The following AARS2 variants were observed in gnomAD, a reference collection of about 807,000 sequenced individuals.
The protein encoded by AARS2 is alanine--tRNA ligase, mitochondrial.
A neutral mutation model predicts 119.7 loss-of-function variants in AARS2; 78 were observed. The observed-to-expected ratio is 0.65, with a 90% CI of 0.54 to 0.79. The LOEUF (loss-of-function observed/expected upper bound fraction) is 0.79, where lower values mean the gene tolerates loss of function less well. Among genes scored for constraint, AARS2 ranks in the 30% least tolerant of loss-of-function variants. The pLI is 0.00. For missense variants in AARS2, 1,157 were observed against 1,291.3 expected, an observed-to-expected ratio of 0.90 and a Z score of 1.59; for synonymous variants, 502 against 526.3, an observed-to-expected ratio of 0.95 and a Z score of 0.63.
rs1785812651 is a variant in AARS2, at chr6:44,305,998, G to A, written c.1301-212C>T. Among the ~76,000 whole-genome samples, 1 of 152,168 alleles carries A rather than the reference G, an allele frequency of 6.6e-6. No individual in the cohort carries two copies. The highest frequency in any genetic ancestry group is 2.4e-5 in the African/African-American group (1 of 41,446). ...GGGGGTAGTCCAGGGTACTCCCTGG[G>A]CACACATCATTTCAAGGGAGGAGGG... On this transcript the variant is annotated intron_variant, in intron 9 of 21. Transcript: ENST00000244571. The surrounding 1 kb of genome is among the most constrained non-coding windows in gnomAD (Gnocchi z 4.6).
Position 44,307,539 on chromosome 6 carries a change from T to A in AARS2, c.895-145A>T. 9.3e-7 allele frequency: 1 copy of A among 1,079,492 alleles called. No homozygotes were observed. Among genetic ancestry groups the A allele is most frequent in the Non-Finnish European group, 1.3e-6 (1 of 744,958 alleles). The allele number at this position is 1,079,492 out of a possible 1,614,324, so 66.9% of individuals were successfully genotyped here. Reference sequence around the variant, plus strand: ...CAGTCCAGTCCTGGGCTGAGAAGCCTCACAGATGAGCACAAGCCAGGCCCT... The same window carrying A: ...CAGTCCAGTCCTGGGCTGAGAAGCCACACAGATGAGCACAAGCCAGGCCCT... On this transcript the variant is annotated intron_variant, in intron 5 of 21. Transcript: ENST00000244571. This position sits in a 1 kb window ranked among gnomAD's most constrained non-coding sequence, Gnocchi z 4.4.
At chr6:44,302,270 A>G (rs1785421943) in intron 18 of AARS2, 100 bp from the exon 19 acceptor site, 2 of 1,610,104 alleles carry the variant, frequency 1.2e-6, no homozygotes, top group Non-Finnish European at 1.7e-6. Context: ...CTGCAGACAA[A>G]TATCTGGGCC....
intron 14 of AARS2, 96 bp from the exon 15 acceptor site, chr6:44,303,519 C>T (rs1400941384): frequency 6.3e-7 from 1 of 1,577,750 alleles, no homozygotes; most frequent in Admixed American, 1.7e-5. Flanking sequence ...ACTGAGCTAT[C>T]CCCAGGTTCT....
chr6:44,304,042 T>G (rs1561938738), intron 14 of AARS2, 139 bp downstream of exon 14: 1 of 1,281,916 alleles, frequency 7.8e-7, no homozygotes, highest in East Asian at 2.4e-5. Flanking sequence ...GGGAAAGGAC[T>G]TGCCCAGGGT....
rs926619419 is a variant in AARS2, at chr6:44,303,393, C to T, written c.2038G>A (p.Val680Met). Residue 680 changes from valine (V) to methionine (M), a missense_variant, in exon 15 of 22, where the codon GTG becomes ATG. Physicochemically the swap from Val to Met is conservative, Grantham distance 21. Coordinates refer to ENST00000244571, the MANE Select transcript of AARS2 (RefSeq NM_020745.4). The stretch of plus-strand genomic sequence containing the variant: ...ACGGCCTCCTGCACAGTGTTCTCCA[C>T]TGCCCGGAGCTGCTCTGGGGTCAAT... The part of the protein sequence containing the change: ...TPLTPEQLRA[V>M]ENTVQEAVGQ... 3.1e-6 allele frequency: 5 copies of T among 1,614,036 alleles called. No homozygotes were observed. Among genetic ancestry groups the T allele is most frequent in the African/African-American group, 1.3e-5 (1 of 75,052 alleles).
intron 17 of AARS2, 110 bp downstream of exon 17, chr6:44,302,692 A>G: frequency 6.9e-7 from 1 of 1,448,022 alleles, no homozygotes. Flanking sequence ...TTGGTGTCCA[A>G]GTATGAACAC....
chr6:44,309,259 A>G (rs926766096), intron 5 of AARS2, among the ~76,000 whole-genome samples: 1 of 152,092 alleles, frequency 6.6e-6, no homozygotes, highest in East Asian at 1.9e-4. Context: ...AGTCACCCCT[A>G]CTGCCCCCAA....
At chr6:44,309,352 A>G (rs1786156206) in intron 5 of AARS2, among the ~76,000 whole-genome samples, 1 of 152,142 alleles carries the variant, frequency 6.6e-6, no homozygotes, top group Non-Finnish European at 1.5e-5. Flanking sequence ...AAGACCAAAG[A>G]ATGAGCCAGC....
Position 44,311,178 on chromosome 6 carries a change from G to A in AARS2, c.582-17C>T. The A allele has an allele frequency of 3.1e-6, 5 of 1,614,086 alleles. No individual in the cohort carries two copies. The highest frequency in any genetic ancestry group is 2.7e-5 in the African/African-American group (2 of 75,056). On this transcript the variant is annotated splice_polypyrimidine_tract_variant and intron_variant, in intron 3 of 21. Coordinates refer to ENST00000244571, the MANE Select transcript of AARS2 (RefSeq NM_020745.4). Reference sequence around the variant, plus strand: ...GCAGGCACCCTGGGGAGAAAAGCAGGTGAGTGGTGGGAGACAGACAGACCC... The same window carrying A: ...GCAGGCACCCTGGGGAGAAAAGCAGATGAGTGGTGGGAGACAGACAGACCC...
At position 44,306,284 on chromosome 6, in the gene AARS2, G is replaced by A; in HGVS notation, c.1296C>T (p.Phe432=). Residue 432 remains phenylalanine, a synonymous_variant, in exon 9 of 22, where the codon TTC becomes TTT. Coordinates refer to ENST00000244571, the MANE Select transcript of AARS2 (RefSeq NM_020745.4). ...TGGGCTAGGTATCCTGCTTACCAGG[G>A]AACATATCTGAAGGCCCCAGGGTCC... ...TLRTLGPSDM[F]PAEVAWSLSL... 3 of 1,614,066 alleles carry A rather than the reference G, an allele frequency of 1.9e-6. No individual in the cohort carries two copies. The highest frequency in any genetic ancestry group is 1.7e-6 in the Non-Finnish European group (2 of 1,179,968).
At chr6:44,311,645 C>T (rs1482190921) in intron 2 of AARS2, 110 bp from the exon 3 acceptor site, 1 of 1,298,822 alleles carries the variant, frequency 7.7e-7, no homozygotes, top group South Asian at 1.3e-5. Context: ...AAAAGCATTT[C>T]TGCTGCCATC....
At chr6:44,304,934 A>T in intron 11 of AARS2, 117 bp from the exon 12 acceptor site, 1 of 1,605,452 alleles carries the variant, frequency 6.2e-7, no homozygotes, top group Non-Finnish European at 8.5e-7. Context: ...GCTGGGGGCC[A>T]CAGAGACCCC....
rs776302675 is a variant in AARS2 at position 44,305,635 on chromosome 6, G to A, written c.1434+18C>T. On this transcript the variant is annotated intron_variant, in intron 10 of 21. Transcript: ENST00000244571. The surrounding 1 kb of genome is among the most constrained non-coding windows in gnomAD (Gnocchi z 4.6). ...AGGTGTCCTAACAGAACCCAGCATGGGGTGCCACAGCTTGTACCTGGGCCT... is the reference window on the plus strand; with the variant it reads ...AGGTGTCCTAACAGAACCCAGCATGAGGTGCCACAGCTTGTACCTGGGCCT... 6.2e-7 allele frequency: 1 copy of A among 1,613,632 alleles called. No individual in the cohort carries two copies. The highest frequency in any genetic ancestry group is 1.7e-4 in the Middle Eastern group (1 of 5,742).
Position 44,306,244 on chromosome 6 carries a change from C to T in AARS2, c.1300+36G>A, listed in dbSNP as rs368597037. 110 of 1,601,544 alleles carry T rather than the reference C, an allele frequency of 6.9e-5. No individual in the cohort carries two copies. The African/African-American group carries it at 1.2e-3, about 18-fold the overall frequency. ...CTCTGCCCACCTTGGTGAGTCTCAGCGAGCCCCTTGTGCATGGGCTAGGTA... is the reference window on the plus strand; with the variant it reads ...CTCTGCCCACCTTGGTGAGTCTCAGTGAGCCCCTTGTGCATGGGCTAGGTA... On this transcript the variant is annotated intron_variant, in intron 9 of 21. Coordinates refer to ENST00000244571, the MANE Select transcript of AARS2 (RefSeq NM_020745.4).
In AARS2 at chr6:44,298,752, A is replaced by T. The variant is rs919578565; in HGVS notation, c.*1795T>A. ...ACGCTGCTCGAATAATTTTTACTAG[A>T]CAGAATTTGGTAGCCAGGGAGCCCT... is the stretch of plus-strand genomic sequence containing the variant. On this transcript the variant is annotated 3_prime_UTR_variant, in exon 22 of 22. Transcript: ENST00000244571. Among the ~76,000 whole-genome samples, 2 of 152,172 alleles carry T rather than the reference A, an allele frequency of 1.3e-5. No homozygotes were observed. Among genetic ancestry groups the T allele is most frequent in the Non-Finnish European group, 2.9e-5 (2 of 68,022 alleles).
intron 1 of AARS2, among the ~76,000 whole-genome samples, 160 bp from the exon 2 acceptor site, chr6:44,312,423 C>T (rs1321272375): frequency 6.6e-6 from 1 of 152,114 alleles, no homozygotes; most frequent in African/African-American, 2.4e-5. Context: ...CTGGGAGCCT[C>T]GGGACAGCCA....
rs376103315 is a variant in AARS2 at position 44,302,107 on chromosome 6, G to C, written c.2551C>G (p.Leu851Val). ...RRELLATVKM[L>V]QRRANTAIRK... Reference sequence around the variant, plus strand: ...ATGGCAGTGTTGGCACGCCGCTGCAGCATCTTCACTGTGGCCAGCAGCTCC... The same window carrying C: ...ATGGCAGTGTTGGCACGCCGCTGCACCATCTTCACTGTGGCCAGCAGCTCC... Residue 851 changes from leucine (L) to valine (V), a missense_variant, in exon 19 of 22, where the codon CTG (leucine) becomes GTG (valine). Coordinates refer to ENST00000244571, the MANE Select transcript of AARS2 (RefSeq NM_020745.4). 1.5e-4 allele frequency: 240 copies of C among 1,613,834 alleles called. No individual in the cohort carries two copies. Among genetic ancestry groups the C allele is most frequent in the Non-Finnish European group, 2.0e-4 (234 of 1,180,034 alleles).
At chr6:44,304,155 A>C in intron 14 of AARS2, 26 bp downstream of exon 14, 1 of 1,612,250 alleles carries the variant, frequency 6.2e-7, no homozygotes, top group African/African-American at 1.3e-5. Flanking sequence ...CCTCACATGA[A>C]GCCTGTCTTT....
chr6:44,309,461 C>A (rs747896837), intron 5 of AARS2, among the ~76,000 whole-genome samples: 2 of 152,238 alleles, frequency 1.3e-5, no homozygotes, highest in Non-Finnish European at 2.9e-5. Context: ...CAAAAGCCAA[C>A]TGACACATGT....
Sources: allele counts gnomAD v4.1 joint callset (sites outside exome capture counted in the v4.1 genomes callset), GRCh38; gene constraint gnomAD v4.1.1; non-coding constraint Gnocchi (gnomAD v3.1); transcripts MANE v1.5; gene names NCBI Gene and HGNC (gene_info 2026-07-23, HGNC 2026-07-21).